GABRA5: variants seen among roughly 807,000 people sequenced by gnomAD.
The protein encoded by GABRA5 is gamma-aminobutyric acid receptor subunit alpha-5.
Under a neutral mutation model 47.3 loss-of-function variants are expected in GABRA5, and 18 were observed. The observed-to-expected ratio is 0.38, with a 90% CI of 0.26 to 0.56. The LOEUF (loss-of-function observed/expected upper bound fraction) is 0.56. Among genes scored for constraint, GABRA5 ranks in the 20% least tolerant of loss-of-function variants. The pLI is 0.71. For synonymous variants in GABRA5, 237 were observed against 229.3 expected, an observed-to-expected ratio of 1.03 and a Z score of -0.30; for missense variants, 365 against 599.3, an observed-to-expected ratio of 0.61 and a Z score of 4.08.
intron 6 of GABRA5, among the ~76,000 whole-genome samples, chr15:26,897,359 C>A (rs1047944815): frequency 6.6e-6 from 1 of 152,108 alleles, no homozygotes; most frequent in African/African-American, 2.4e-5. Context: ...GAAGACCATG[C>A]GAGGACACAG....
At chr15:26,876,223 A>G (rs1465235721) in intron 3 of GABRA5, among the ~76,000 whole-genome samples, 1 of 152,140 alleles carries the variant, frequency 6.6e-6, no homozygotes, top group African/African-American at 2.4e-5. Context: ...AGACACCACT[A>G]GGTCTCCCAG....
At chr15:26,924,219 A>G (rs1217103732) in intron 7 of GABRA5, among the ~76,000 whole-genome samples, 1 of 137,674 alleles carries the variant, frequency 7.3e-6, no homozygotes, top group Non-Finnish European at 1.5e-5. Flanking sequence ...CCTCGTTACC[A>G]CTGGGTCAGG....
At chr15:26,934,820 A>G (rs1894197410) in intron 7 of GABRA5, among the ~76,000 whole-genome samples, 1 of 152,050 alleles carries the variant, frequency 6.6e-6, no homozygotes, top group African/African-American at 2.4e-5. Flanking sequence ...TGCCACTGCC[A>G]CCTCCCACTC....
chr15:26,873,062 C>T (rs1195176352), intron 3 of GABRA5, among the ~76,000 whole-genome samples: 1 of 152,062 alleles, frequency 6.6e-6, no homozygotes, highest in Non-Finnish European at 1.5e-5. Flanking sequence ...ACAATAAGGC[C>T]CTTTTTGGAC....
intron 7 of GABRA5, among the ~76,000 whole-genome samples, chr15:26,934,047 C>T (rs1051927296): frequency 6.6e-6 from 1 of 151,538 alleles, no homozygotes; most frequent in Non-Finnish European, 1.5e-5. Flanking sequence ...GAGGCCAGGA[C>T]TTCAAGACCA....
rs560603720 is a variant in GABRA5, at chr15:26,867,475, C to T, written c.-140+364C>T. 2 of 152,466 alleles carry T rather than the reference C, an allele frequency of 1.3e-5. No individual in the cohort carries two copies. Among genetic ancestry groups the T allele is most frequent in the African/African-American group, 4.8e-5 (2 of 41,514 alleles). The allele number at this position is 152,466 out of a possible 1,614,324, so 9.4% of individuals were successfully genotyped here. Reference sequence around the variant, plus strand: ...CCGCCCCGGCTCGGTCCGCACCCTTCTCCTCGGGGCGCCTGAGCGGCAGGC... The same window carrying T: ...CCGCCCCGGCTCGGTCCGCACCCTTTTCCTCGGGGCGCCTGAGCGGCAGGC... On this transcript the variant is annotated intron_variant, in intron 1 of 10. Coordinates refer to ENST00000335625, the MANE Select transcript of GABRA5 (RefSeq NM_000810.4). The surrounding 1 kb of genome is among the most constrained non-coding windows in gnomAD (Gnocchi z 5.9).
At chr15:26,931,222 C>T (rs1894100057) in intron 7 of GABRA5, among the ~76,000 whole-genome samples, 1 of 152,148 alleles carries the variant, frequency 6.6e-6, no homozygotes, top group South Asian at 2.1e-4. Flanking sequence ...TGGGTTCATT[C>T]AGTCTGCTAT....
intron 6 of GABRA5, among the ~76,000 whole-genome samples, chr15:26,897,475 T>C (rs1405800379): frequency 6.6e-6 from 1 of 152,108 alleles, no homozygotes; most frequent in African/African-American, 2.4e-5. Context: ...GGAAAATACA[T>C]GTCTGTAGTT....
At chr15:26,911,442 T>A (rs967374832) in intron 6 of GABRA5, among the ~76,000 whole-genome samples, 1 of 151,774 alleles carries the variant, frequency 6.6e-6, no homozygotes, top group South Asian at 2.1e-4. Flanking sequence ...CTCCTTGGTA[T>A]GCATTCCTTG....
intron 6 of GABRA5, among the ~76,000 whole-genome samples, chr15:26,912,620 A>G (rs1036845888): frequency 8.5e-5 from 13 of 152,246 alleles, no homozygotes; most frequent in Non-Finnish European, 2.9e-5. Context: ...TTACACATAC[A>G]GACAGAAACA....
At chr15:26,930,914 G>C (rs955298781) in intron 7 of GABRA5, among the ~76,000 whole-genome samples, 1 of 25,596 alleles carries the variant, frequency 3.9e-5, no homozygotes, top group African/African-American at 1.7e-4. Flanking sequence ...TTTTTTTTTT[G>C]AGACAGAGTC....
At chr15:26,939,836 G>T in intron 8 of GABRA5, 89 bp from the exon 9 acceptor site, 1 of 1,314,024 alleles carries the variant, frequency 7.6e-7, no homozygotes, top group East Asian at 2.3e-5. Context: ...AACCGACAGG[G>T]GAGTGGAAGG....
intron 8 of GABRA5, chr15:26,939,126 C>A: frequency 1.4e-6 from 1 of 706,352 alleles, no homozygotes; most frequent in Admixed American, 1.9e-5. Flanking sequence ...TTCCTCCACC[C>A]CTCAAAGAAC....
At chr15:26,879,371 G>A (rs1892672067) in intron 3 of GABRA5, among the ~76,000 whole-genome samples, 1 of 152,194 alleles carries the variant, frequency 6.6e-6, no homozygotes, top group African/African-American at 2.4e-5. Context: ...ACTGGGAGGA[G>A]CTATGCTAGG....
At chr15:26,900,956 G>A (rs570664373) in intron 6 of GABRA5, among the ~76,000 whole-genome samples, 13 of 152,082 alleles carry the variant, frequency 8.5e-5, no homozygotes, top group African/African-American at 1.4e-4. Context: ...GAATCATACC[G>A]TGTGTCATAT....
chr15:26,909,974 T>C, intron 6 of GABRA5, among the ~76,000 whole-genome samples: 1 of 152,236 alleles, frequency 6.6e-6, no homozygotes, highest in East Asian at 1.9e-4. Flanking sequence ...TTGGAGACTT[T>C]CTTTAATCAC....
At chr15:26,871,825 G>A (rs35974911) in intron 3 of GABRA5, among the ~76,000 whole-genome samples, 12 of 152,114 alleles carry the variant, frequency 7.9e-5, no homozygotes, top group East Asian at 1.9e-4. Flanking sequence ...GGATGTTTAC[G>A]TAGTGAATGA....
At chr15:26,907,717 C>T (rs1292675316) in intron 6 of GABRA5, among the ~76,000 whole-genome samples, 3 of 152,184 alleles carry the variant, frequency 2.0e-5, no homozygotes, top group Admixed American at 2.0e-4. Context: ...TGGGTTCCGA[C>T]AAACTCTGAT....
At position 26,881,823 on chromosome 15, in the gene GABRA5, C is replaced by T. The variant is rs145897645; in HGVS notation, c.208+856C>T. Among the ~76,000 whole-genome samples, 1,498 of 152,204 alleles carry T rather than the reference C, an allele frequency of 9.8e-3. 28 individuals carry two copies. The highest frequency in any genetic ancestry group is 0.034 in the African/African-American group (1,415 of 41,502). ...TAAGTGATTCTCCTGCCTCAGCCTC[C>T]GGAGTAGCTGGGATTACAGGTGCAC... On this transcript the variant is annotated intron_variant, in intron 4 of 10. Transcript: ENST00000335625.
Sources: allele counts gnomAD v4.1 joint callset (sites outside exome capture counted in the v4.1 genomes callset), GRCh38; gene constraint gnomAD v4.1.1; non-coding constraint Gnocchi (gnomAD v3.1); transcripts MANE v1.5; gene names NCBI Gene and HGNC (gene_info 2026-07-23, HGNC 2026-07-21).